The following RNF17 variants were observed in gnomAD, a reference collection of about 807,000 sequenced individuals.
The protein encoded by RNF17 is spermatogenesis associated 23.
A neutral mutation model predicts 200.5 loss-of-function variants in RNF17; 31 were observed. The ratio of observed to expected loss-of-function variants is 0.15; its 90% confidence interval spans 0.12 to 0.21. The LOEUF is 0.21. Ranked by LOEUF, RNF17 falls within the 10% of genes least tolerant of loss-of-function variation. The probability of loss-of-function intolerance (pLI) is 1.00; values close to 1 mark genes in which losing one functional copy is unlikely to be tolerated. For missense variants in RNF17, 1,628 were observed against 1,905.1 expected (o/e 0.85, Z 2.71); for synonymous variants, 606 against 637.8 (o/e 0.95, Z 0.75).
At position 24,844,657 on chromosome 13, in the gene RNF17, A is replaced by C. The variant is rs1891048186; in HGVS notation, c.2837A>C (p.Glu946Ala). The C allele has an allele frequency of 1.3e-6, 2 of 1,589,256 alleles. No homozygotes were observed. Among genetic ancestry groups the C allele is most frequent in the African/African-American group, 2.7e-5 (2 of 74,096 alleles). The change falls in exon 21 of 36, where the codon GAA becomes GCA. Residue 946 changes from glutamate to alanine, a missense_variant. This residue lies in a region of RNF17 where 227 missense variants were observed against 319.8 expected (regional missense o/e 0.71). Transcript: ENST00000255324. ...LLTENLLNSL[E>A]EKMIAAYENS... ...AATATTTTTTATCTCTATAGTTTAGAAGAAAAGATGATAGCTGCTTATGAA... is the reference window on the plus strand; with the variant it reads ...AATATTTTTTATCTCTATAGTTTAGCAGAAAAGATGATAGCTGCTTATGAA...
downstream of RNF17, chr13:24,882,861 C>T (rs1953900248): frequency 3.0e-6 from 1 of 337,390 alleles, no homozygotes; most frequent in Middle Eastern, 9.3e-4. Context: ...TGATGTACTT[C>T]CTGTACTTCT....
intron 9 of RNF17, among the ~76,000 whole-genome samples, chr13:24,792,689 C>G (rs541752731): frequency 4.3e-4 from 65 of 152,282 alleles, no homozygotes; most frequent in Admixed American, 3.9e-3. Context: ...ATTGCTAAAT[C>G]CAGTTGGCTT....
chr13:24,886,175 A>G, the RNF17 span: 1 of 545,738 alleles, frequency 1.8e-6, no homozygotes, highest in Non-Finnish European at 3.2e-6. Flanking sequence ...CTCTAAAAAT[A>G]CACTGAAGTG....
At chr13:24,844,856 T>C (rs1304032186) in intron 21 of RNF17, 54 bp downstream of exon 21, 3 of 1,577,986 alleles carry the variant, frequency 1.9e-6, no homozygotes, top group Non-Finnish European at 2.6e-6. Flanking sequence ...GCATTTTGTA[T>C]TTTTTTCCCT....
the RNF17 span, among the ~76,000 whole-genome samples, chr13:24,758,363 C>G: frequency 2.6e-5 from 4 of 152,012 alleles, no homozygotes; most frequent in Admixed American, 6.6e-5. Flanking sequence ...AAATATAAAC[C>G]CTTTTTATGA....
rs536210260 is a variant in RNF17 at position 24,844,634 on chromosome 13, T to C, written c.2832-18T>C. On this transcript the variant is annotated intron_variant, in intron 20 of 35. Transcript: ENST00000255324. ...ATAAGAAAAGGTTTGGAAAGTTAAA[T>C]ATTTTTTATCTCTATAGTTTAGAAG... is the stretch of plus-strand genomic sequence containing the variant. 1.9e-6 allele frequency: 3 copies of C among 1,538,860 alleles called. No individual in the cohort carries two copies. Among genetic ancestry groups the C allele is most frequent in the Admixed American group, 1.9e-5 (1 of 52,316 alleles).
At chr13:24,764,539 G>C (rs1032808521) in intron 1 of RNF17, 3 of 330,658 alleles carry the variant, frequency 9.1e-6, no homozygotes, top group Non-Finnish European at 1.3e-5. Context: ...CGCCTGTCAC[G>C]GCTTTCTCCA....
chr13:24,879,990 T>G (rs1031483581), downstream of RNF17: 1 of 152,200 alleles, frequency 6.6e-6, no homozygotes, highest in Non-Finnish European at 1.5e-5. Context: ...AAAATTTAGT[T>G]CATTTTATAC....
chr13:24,772,919 A>T (rs1384308265), intron 2 of RNF17, among the ~76,000 whole-genome samples: 2 of 152,134 alleles, frequency 1.3e-5, no homozygotes, highest in Non-Finnish European at 2.9e-5. Context: ...TCGTGAACAG[A>T]CACTTCTTAA....
At position 24,825,707 on chromosome 13, in the gene RNF17, C is replaced by T. The variant is rs763596000; in HGVS notation, c.2180C>T (p.Pro727Leu). The T allele has an allele frequency of 1.2e-6, 2 of 1,613,496 alleles. No homozygotes were observed. The highest frequency in any genetic ancestry group is 1.1e-5 in the South Asian group (1 of 91,026). The change falls in exon 16 of 36, where the codon CCA becomes CTA. Residue 727 changes from proline to leucine, a missense_variant. By Grantham distance (98) the Pro-to-Leu change is moderately conservative (BLOSUM62 -3). Coordinates refer to ENST00000255324, the MANE Select transcript of RNF17 (RefSeq NM_031277.3). ...EDGENLEILC[P>L]VQDQACVAKF... is the part of the protein sequence containing the mutation. ...GGAGAAAATCTGGAAATCCTCTGTCCAGTTCAAGATCAAGCCTGTGTAGCT... is the reference window on the plus strand; with the variant it reads ...GGAGAAAATCTGGAAATCCTCTGTCTAGTTCAAGATCAAGCCTGTGTAGCT...
chr13:24,766,165 G>A (rs1366839693), intron 1 of RNF17, among the ~76,000 whole-genome samples: 1 of 152,260 alleles, frequency 6.6e-6, no homozygotes, highest in Non-Finnish European at 1.5e-5. Context: ...AGGAGGCAGA[G>A]TTGGCAGTGA....
chr13:24,789,779 A>G lies in RNF17; in HGVS notation c.935+7A>G, dbSNP rs372404223. 138 of 1,469,694 alleles carry G rather than the reference A, an allele frequency of 9.4e-5. No individual in the cohort carries two copies. The highest frequency in any genetic ancestry group is 1.7e-4 in the Middle Eastern group (1 of 5,782). 91.0% of individuals were successfully genotyped at this position (1,469,694 alleles called of 1,614,324 possible). On this transcript the variant is annotated splice_region_variant and intron_variant, in intron 9 of 35. Transcript: ENST00000255324. Reference sequence around the variant, plus strand: ...AATTTAGGGACTCAACAAAGTAAGTATTTATAAGCATGGTAACATGCCATT... The same window carrying G: ...AATTTAGGGACTCAACAAAGTAAGTGTTTATAAGCATGGTAACATGCCATT...
chr13:24,751,831 C>CA, the RNF17 span: 1 of 152,054 alleles, frequency 6.6e-6, no homozygotes, highest in Non-Finnish European at 1.5e-5. Flanking sequence ...CTAGTCAAAA[C>CA]ACCACAAATA....
chr13:24,778,507 GT>G, intron 4 of RNF17, 101 bp downstream of exon 4: 1 of 797,676 alleles, frequency 1.3e-6, no homozygotes, highest in Non-Finnish European at 2.2e-6. Flanking sequence ...TCTTTTGGAA[GT>G]TTATACGTAA....
chr13:24,884,454 C>A (rs757899052), downstream of RNF17: 1 of 1,614,078 alleles, frequency 6.2e-7, no homozygotes, highest in Admixed American at 1.7e-5. Flanking sequence ...TTCTTATAAA[C>A]CTTTTCCACC....
intron 22 of RNF17, among the ~76,000 whole-genome samples, chr13:24,846,065 C>T (rs1432831396): frequency 6.6e-6 from 1 of 152,164 alleles, no homozygotes; most frequent in African/African-American, 2.4e-5. Flanking sequence ...TGCACTCCAG[C>T]CTGACACAGT....
At chr13:24,785,879 T>G (rs1031915010) in intron 6 of RNF17, among the ~76,000 whole-genome samples, 6 of 152,214 alleles carry the variant, frequency 3.9e-5, no homozygotes, top group African/African-American at 1.4e-4. Context: ...ATTATCTTTT[T>G]CCATCCTTTC....
Position 24,767,699 on chromosome 13 carries a change from G to A in RNF17, c.225+333G>A, listed in dbSNP as rs552353383. Among the ~76,000 whole-genome samples, 16 of 146,508 alleles carry A rather than the reference G, an allele frequency of 1.1e-4. 1 individual carries two copies. In the South Asian group the frequency reaches 1.7e-3, roughly 16 times the overall value. Reference sequence around the variant, plus strand: ...GGAGGTGGAGGCTGCAGTGAGCCAAGATTGCACCACTGCACTCCAGTCTGG... The same window carrying A: ...GGAGGTGGAGGCTGCAGTGAGCCAAAATTGCACCACTGCACTCCAGTCTGG... On this transcript the variant is annotated intron_variant, in intron 2 of 35. Transcript: ENST00000255324.
At chr13:24,875,059 G>C (rs559610539) in intron 33 of RNF17, among the ~76,000 whole-genome samples, 88 of 152,174 alleles carry the variant, frequency 5.8e-4, no homozygotes, top group African/African-American at 2.0e-3. Flanking sequence ...TATATATGAG[G>C]GGTCTTCAAA....
Sources: allele counts gnomAD v4.1 joint callset (sites outside exome capture counted in the v4.1 genomes callset), GRCh38; gene constraint gnomAD v4.1.1; regional missense constraint gnomAD v4.1.1; transcripts MANE v1.5; gene names NCBI Gene and HGNC (gene_info 2026-07-23, HGNC 2026-07-21).